Variants in PRDM1 observed in about 807,000 individuals in gnomAD.
PRDM1 encodes the protein PR domain zinc finger protein 1.
A neutral mutation model predicts 62.8 loss-of-function variants in PRDM1; 13 were observed. That is an observed-to-expected ratio of 0.21 (90% CI 0.13 to 0.33). The LOEUF is 0.33. Among genes scored for constraint, PRDM1 ranks in the 10% least tolerant of loss-of-function variants. The probability of loss-of-function intolerance (pLI) is 1.00; values close to 1 mark genes in which losing one functional copy is unlikely to be tolerated. For synonymous variants in PRDM1, 396 were observed against 417.6 expected (o/e 0.95, Z 0.63); for missense variants, 895 against 1,058.8 (o/e 0.85, Z 2.15).
rs1772526069 is a variant in PRDM1 at position 106,009,924 on chromosome 6, G to T, written c.-67+16285G>T. Among the ~76,000 whole-genome samples the T allele has an allele frequency of 3.3e-5, 5 of 152,110 alleles. 1 individual carries two copies. The South Asian group carries it at 1.0e-3, about 31-fold the overall frequency. On this transcript the variant is annotated intron_variant, in intron 1 of 6. Coordinates refer to the PRDM1 transcript ENST00000652320. Reference sequence around the variant, plus strand: ...GTAGAGACAGGGTTTCACCATGTTGGCCAGGCTGGTCTCGAACTCTTAACC... The same window carrying T: ...GTAGAGACAGGGTTTCACCATGTTGTCCAGGCTGGTCTCGAACTCTTAACC...
chr6:106,080,778 T>A (rs1042566957), intron 1 of PRDM1, among the ~76,000 whole-genome samples: 4 of 152,152 alleles, frequency 2.6e-5, no homozygotes, highest in East Asian at 1.9e-4. Context: ...TTCAAAGGAG[T>A]TGTGGGGATC....
chr6:105,999,145 C>T (rs961870128), intron 1 of PRDM1, among the ~76,000 whole-genome samples: 2 of 151,810 alleles, frequency 1.3e-5, no homozygotes, highest in Non-Finnish European at 2.9e-5. Flanking sequence ...CACTATGTTG[C>T]CCAGGTTGGT....
chr6:105,999,226 A>C (rs1772399025), intron 1 of PRDM1, among the ~76,000 whole-genome samples: 1 of 151,834 alleles, frequency 6.6e-6, no homozygotes, highest in Admixed American at 6.6e-5. Context: ...GGCATGAGCC[A>C]CCACGCCCAG....
At chr6:106,022,712 A>T (rs1309048224) in intron 1 of PRDM1, among the ~76,000 whole-genome samples, 1 of 151,954 alleles carries the variant, frequency 6.6e-6, no homozygotes, top group Non-Finnish European at 1.5e-5. Flanking sequence ...GGCGTGAGCC[A>T]CCCGCCCAGC....
At chr6:106,020,006 G>A (rs1772674046) in intron 1 of PRDM1, among the ~76,000 whole-genome samples, 1 of 150,164 alleles carries the variant, frequency 6.7e-6, no homozygotes, top group Non-Finnish European at 1.5e-5. Context: ...AAGGTGGGTG[G>A]ATCACTTGAG....
At chr6:106,038,012 G>GTTTTTTTTTTTTTTTTTTTTTTTTT (rs1302119750) in intron 1 of PRDM1, among the ~76,000 whole-genome samples, 2 of 20,526 alleles carry the variant, frequency 9.7e-5, no homozygotes, top group African/African-American at 2.2e-4. Context: ...TGCTATTTTT[G>GTTTTTTTTTTTTTTTTTTTTTTTTT]TCTTTTTTTT....
Position 106,086,508 on chromosome 6 carries a change from G to A in PRDM1, c.-46G>A. 1 of 1,534,644 alleles carries A rather than the reference G, an allele frequency of 6.5e-7. No homozygotes were observed. The highest frequency in any genetic ancestry group is 1.2e-5 in the South Asian group (1 of 82,904). ...TGTGCGGCTCAGCCTGGCGGGGGAC[G>A]CGGGGAGAATGTGGACTGGGTAGAG... On this transcript the variant is annotated 5_prime_UTR_variant, in exon 1 of 7. Transcript: ENST00000369096.
rs1198902497 is a variant in PRDM1 at position 106,105,506 on chromosome 6, A to G, written c.1346A>G (p.Asn449Ser). Reference sequence around the variant, plus strand: ...CCGAGGCTGTGCCCTGTCTACAGCAATCTCCTCGGTGGGGGCAGCCTGCCC... The same window carrying G: ...CCGAGGCTGTGCCCTGTCTACAGCAGTCTCCTCGGTGGGGGCAGCCTGCCC... Reference protein sequence around the residue: ...LFPRLCPVYSNLLGGGSLPHP... With the variant: ...LFPRLCPVYSSLLGGGSLPHP... Residue 449 changes from asparagine (N) to serine (S), a missense_variant, in exon 5 of 7, where the codon AAT becomes AGT. Asn to Ser is a conservative substitution (Grantham distance 46). Transcript: ENST00000369096. 1.2e-5 allele frequency: 20 copies of G among 1,613,826 alleles called. 1 individual carries two copies. The highest frequency in any genetic ancestry group is 2.7e-5 in the African/African-American group (2 of 74,950).
intron 1 of PRDM1, among the ~76,000 whole-genome samples, chr6:106,032,028 G>A (rs1464969115): frequency 6.6e-6 from 1 of 152,166 alleles, no homozygotes; most frequent in African/African-American, 2.4e-5. Context: ...TTGTGACTCA[G>A]TTGAAGATGA....
chr6:106,029,656 A>C (rs1010965156), intron 1 of PRDM1, among the ~76,000 whole-genome samples: 1 of 151,804 alleles, frequency 6.6e-6, no homozygotes, highest in African/African-American at 2.4e-5. Flanking sequence ...ACCCAGGCTG[A>C]GTGCAGAGGC....
chr6:105,994,771 T>A lies in PRDM1; in HGVS notation c.-67+1132T>A, dbSNP rs62421071. On this transcript the variant is annotated intron_variant, in intron 1 of 6. Transcript: ENST00000652320. The surrounding 1 kb of genome is among the most constrained non-coding windows in gnomAD (Gnocchi z 4.1). ...CCGTAACTTCCTAACGACATCTTCT[T>A]GGAGCAGATTCCGCGGCGGGGATGG... is the stretch of plus-strand genomic sequence containing the variant. 1.4e-4 allele frequency among the ~76,000 whole-genome samples: 22 copies of A among 152,180 alleles called. No individual in the cohort carries two copies. The highest frequency in any genetic ancestry group is 8.8e-5 in the Non-Finnish European group (6 of 68,022).
intron 1 of PRDM1, among the ~76,000 whole-genome samples, chr6:106,073,508 A>G (rs896705220): frequency 6.6e-6 from 1 of 152,242 alleles, no homozygotes; most frequent in Non-Finnish European, 1.5e-5. Context: ...ATAATGATTA[A>G]GCCATTTACT....
In PRDM1 at chr6:106,107,512, T is replaced by G; in HGVS notation, c.*26T>G. 1 of 1,563,518 alleles carries G rather than the reference T, an allele frequency of 6.4e-7. No homozygotes were observed. Among genetic ancestry groups the G allele is most frequent in the Non-Finnish European group, 8.7e-7 (1 of 1,152,328 alleles). ...GATTTTCAGAAAACACTTATTTTGTTTCTTAAGTTATGACTTGGTGAGTCA... is the reference window on the plus strand; with the variant it reads ...GATTTTCAGAAAACACTTATTTTGTGTCTTAAGTTATGACTTGGTGAGTCA... On this transcript the variant is annotated 3_prime_UTR_variant, in exon 7 of 7. Coordinates refer to ENST00000369096, the MANE Select transcript of PRDM1 (RefSeq NM_001198.4).
At chr6:106,096,029 C>G in intron 3 of PRDM1, 1 of 270,466 alleles carries the variant, frequency 3.7e-6, no homozygotes, top group South Asian at 8.1e-5. Flanking sequence ...AGGATAGGTT[C>G]ATTTGCATTT....
upstream of PRDM1, among the ~76,000 whole-genome samples, chr6:106,047,537 C>A (rs1294887611): frequency 6.6e-6 from 1 of 152,126 alleles, no homozygotes; most frequent in East Asian, 1.9e-4. Flanking sequence ...AAAGCTAAAT[C>A]TTTGTTGTAG....
intron 1 of PRDM1, among the ~76,000 whole-genome samples, chr6:106,002,647 A>T (rs1331421383): frequency 6.6e-6 from 1 of 152,190 alleles, no homozygotes; most frequent in Non-Finnish European, 1.5e-5. Context: ...TTGACATCAT[A>T]GTTGTTTTAT....
At chr6:106,042,383 C>A (rs62420727) in intron 1 of PRDM1, among the ~76,000 whole-genome samples, 1 of 151,130 alleles carries the variant, frequency 6.6e-6, no homozygotes, top group African/African-American at 2.4e-5. Flanking sequence ...AAAAATTAGC[C>A]GGGCGTGGTG....
intron 4 of PRDM1, 84 bp from the exon 5 acceptor site, chr6:106,104,741 T>C (rs1262877138): frequency 1.4e-6 from 2 of 1,463,176 alleles, no homozygotes; most frequent in African/African-American, 2.8e-5. Flanking sequence ...ACTCAGGTTT[T>C]CTCAAGAAGG....
intron 1 of PRDM1, among the ~76,000 whole-genome samples, chr6:106,002,169 A>G (rs1255758713): frequency 2.0e-5 from 3 of 152,148 alleles, no homozygotes; most frequent in Non-Finnish European, 4.4e-5. Flanking sequence ...ATGTAGAGGT[A>G]AGGCCAGGTA....
Sources: allele counts gnomAD v4.1 joint callset (sites outside exome capture counted in the v4.1 genomes callset), GRCh38; gene constraint gnomAD v4.1.1; non-coding constraint Gnocchi (gnomAD v3.1); transcripts MANE v1.5; gene names NCBI Gene and HGNC (gene_info 2026-07-23, HGNC 2026-07-21).